The following LARP1B variants were observed in gnomAD, a reference collection of about 807,000 sequenced individuals.
LARP1B encodes la-related protein 1B.
A neutral mutation model predicts 114.2 loss-of-function variants in LARP1B; 76 were observed. The ratio of observed to expected loss-of-function variants is 0.67; its 90% CI spans 0.55 to 0.81. The LOEUF (loss-of-function observed/expected upper bound fraction) is 0.81, where lower values mean the gene tolerates loss of function less well. LARP1B is among the 30% of genes least tolerant of loss of function. LARP1B has a pLI of 0.00. For synonymous variants in LARP1B, 345 were observed against 348.0 expected, an observed-to-expected ratio of 0.99 and a Z score of 0.10; for missense variants, 1,014 against 1,075.8, an observed-to-expected ratio of 0.94 and a Z score of 0.80.
rs1788226721 is a variant in LARP1B at position 128,122,391 on chromosome 4, A to G, written c.1524+203A>G. 1.3e-5 allele frequency: 19 copies of G among 1,475,956 alleles called. No individual in the cohort carries two copies. In the South Asian group the frequency reaches 2.3e-4, roughly 18 times the overall value. 91.4% of individuals were successfully genotyped at this position (1,475,956 alleles called of 1,614,324 possible). On this transcript the variant is annotated intron_variant, in intron 11 of 19. Transcript: ENST00000326639. Reference sequence around the variant, plus strand: ...TTTTATGAAAGTAACAGCGTGATGAATACTGTAATTACAAAAGAAAATTAG... The same window carrying G: ...TTTTATGAAAGTAACAGCGTGATGAGTACTGTAATTACAAAAGAAAATTAG...
At chr4:128,153,521 G>A (rs771718038) in intron 11 of LARP1B, among the ~76,000 whole-genome samples, 1 of 151,950 alleles carries the variant, frequency 6.6e-6, no homozygotes, top group Non-Finnish European at 1.5e-5. Flanking sequence ...GGCCAGGCTG[G>A]CCTCGAATTC....
At chr4:128,108,595 G>A in intron 9 of LARP1B, 1 of 985,452 alleles carries the variant, frequency 1.0e-6, no homozygotes, top group Non-Finnish European at 1.2e-6. Flanking sequence ...TCTAATCCCA[G>A]TAAGCAACTT....
intron 11 of LARP1B, among the ~76,000 whole-genome samples, chr4:128,160,142 T>G (rs1317857284): frequency 6.6e-6 from 1 of 152,218 alleles, no homozygotes; most frequent in Non-Finnish European, 1.5e-5. Context: ...AGGCAATATG[T>G]AAACAAATGA....
chr4:128,109,572 T>A, intron 9 of LARP1B, among the ~76,000 whole-genome samples: 1 of 152,148 alleles, frequency 6.6e-6, no homozygotes, highest in East Asian at 1.9e-4. Flanking sequence ...TTGTTAGTAT[T>A]TTACTATTAA....
chr4:128,147,421 C>G (rs1422798302), intron 11 of LARP1B, among the ~76,000 whole-genome samples: 3 of 152,054 alleles, frequency 2.0e-5, no homozygotes, highest in African/African-American at 7.2e-5. Flanking sequence ...GATTATTAGG[C>G]AATATTTGGA....
At chr4:128,131,943 T>G (rs1158714480) in intron 11 of LARP1B, among the ~76,000 whole-genome samples, 2 of 152,200 alleles carry the variant, frequency 1.3e-5, no homozygotes, top group African/African-American at 4.8e-5. Flanking sequence ...TTGGAACCCT[T>G]ATACTCTGCT....
At chr4:128,108,818 G>C in intron 9 of LARP1B, 4 of 984,014 alleles carry the variant, frequency 4.1e-6, no homozygotes, top group Non-Finnish European at 4.8e-6. Context: ...TTCTCTGCAG[G>C]GTAGGTAAGA....
intron 5 of LARP1B, among the ~76,000 whole-genome samples, chr4:128,084,263 C>G (rs1772315042): frequency 6.7e-6 from 1 of 149,086 alleles, no homozygotes; most frequent in African/African-American, 2.4e-5. Context: ...TTTGGGAGGC[C>G]AAGGCAGGCG....
intron 11 of LARP1B, among the ~76,000 whole-genome samples, chr4:128,160,056 T>TA (rs2150413108): frequency 1.3e-5 from 2 of 152,350 alleles, no homozygotes; most frequent in South Asian, 4.1e-4. Flanking sequence ...GTAAATATCT[T>TA]AGACTTTGTG....
At chr4:128,062,821 G>A (rs34749547) in intron 1 of LARP1B, among the ~76,000 whole-genome samples, 1 of 151,190 alleles carries the variant, frequency 6.6e-6, no homozygotes, top group African/African-American at 2.4e-5. Flanking sequence ...GTTAAATGAC[G>A]AGTTGATGGG....
intron 5 of LARP1B, among the ~76,000 whole-genome samples, chr4:128,083,428 G>A (rs1488734230): frequency 4.6e-5 from 7 of 150,770 alleles, no homozygotes; most frequent in African/African-American, 9.7e-5. Context: ...CGGACGGGGC[G>A]GCTGGCCGGG....
chr4:128,092,678 C>A (rs1159879753), intron 7 of LARP1B: 2 of 677,708 alleles, frequency 3.0e-6, no homozygotes, highest in Non-Finnish European at 3.6e-6. Context: ...TCTTTATCAT[C>A]ATCAGCCAGG....
At chr4:128,134,559 C>T (rs565807743) in intron 11 of LARP1B, among the ~76,000 whole-genome samples, 1 of 152,210 alleles carries the variant, frequency 6.6e-6, no homozygotes, top group East Asian at 1.9e-4. Context: ...TTGGATATCA[C>T]ACTAAAATCA....
chr4:128,154,416 G>A (rs1734446905), intron 11 of LARP1B, among the ~76,000 whole-genome samples: 1 of 151,994 alleles, frequency 6.6e-6, no homozygotes, highest in African/African-American at 2.4e-5. Flanking sequence ...ATTCTATTCA[G>A]TGGTTCCTCA....
At chr4:128,062,330 C>A (rs1310208745) in intron 1 of LARP1B, 2 of 928,210 alleles carry the variant, frequency 2.2e-6, no homozygotes, top group Non-Finnish European at 2.6e-6. Context: ...AACGGCAGGC[C>A]TCCCCTCCCT....
rs768731385 is a variant in LARP1B, at chr4:128,200,619, G to A, written c.2263G>A (p.Glu755Lys). 1 of 1,591,564 alleles carries A rather than the reference G, an allele frequency of 6.3e-7. No homozygotes were observed. Among genetic ancestry groups the A allele is most frequent in the African/African-American group, 1.4e-5 (1 of 73,804 alleles). The change falls in exon 17 of 20, where the codon GAG (glutamate) becomes AAG (lysine). Residue 755 changes from glutamate to lysine, a missense_variant. By Grantham distance (56) the Glu-to-Lys change is moderately conservative. Coordinates refer to ENST00000326639, the MANE Select transcript of LARP1B (RefSeq NM_018078.4). The stretch of plus-strand genomic sequence containing the variant: ...AGATCACTTCAATAAAAAAATGTAT[G>A]AGGAATTTAGACAACTTGCTTGGGA... ...LRDHFNKKMY[E>K]EFRQLAWEDA...
At chr4:128,145,102 C>T (rs1308271148) in intron 11 of LARP1B, among the ~76,000 whole-genome samples, 2 of 152,026 alleles carry the variant, frequency 1.3e-5, no homozygotes, top group Non-Finnish European at 2.9e-5. Context: ...TTTTATTGGG[C>T]GTTGTAGGCT....
intron 11 of LARP1B, among the ~76,000 whole-genome samples, chr4:128,161,961 TATA>T (rs1738711322): frequency 6.6e-6 from 1 of 152,176 alleles, no homozygotes; most frequent in African/African-American, 2.4e-5. Flanking sequence ...TGTGTGGTCT[TATA>T]ATGTTTTTTA....
Position 128,207,264 on chromosome 4 carries a change from T to C in LARP1B, c.2428T>C (p.Tyr810His). ...TKKDYESGQL[Y>H]GLEKFWAYLK... ...TTATTCTTTGTTATTAGGTCAGCTG[T>C]ATGGACTAGAAAAGTTTTGGGCTTA... Residue 810 changes from tyrosine (Y) to histidine (H), a missense_variant, in exon 19 of 20, where the codon TAT becomes CAT. Tyr to His is a moderately conservative substitution (Grantham distance 83). Coordinates refer to ENST00000326639, the MANE Select transcript of LARP1B (RefSeq NM_018078.4). 6.9e-7 allele frequency: 1 copy of C among 1,446,574 alleles called. No homozygotes were observed. Among genetic ancestry groups the C allele is most frequent in the Non-Finnish European group, 9.3e-7 (1 of 1,075,738 alleles). 89.6% of individuals were successfully genotyped at this position (1,446,574 alleles called of 1,614,324 possible).
Sources: allele counts gnomAD v4.1 joint callset (sites outside exome capture counted in the v4.1 genomes callset), GRCh38; gene constraint gnomAD v4.1.1; transcripts MANE v1.5; gene names NCBI Gene and HGNC (gene_info 2026-07-23, HGNC 2026-07-21).